The following SPON1 variants were observed in gnomAD, a reference collection of about 807,000 sequenced individuals.
SPON1 encodes the protein spondin 1, also known as spondin-1.
A neutral mutation model predicts 111.7 loss-of-function variants in SPON1; 52 were observed. The observed-to-expected ratio is 0.47, with a 90% CI of 0.37 to 0.59. SPON1 has a LOEUF of 0.59. Ranked by LOEUF, SPON1 falls within the 20% of genes least tolerant of loss-of-function variation. SPON1 has a pLI of 0.00. For missense variants in SPON1, 957 were observed against 1,068.5 expected (o/e 0.90, Z 1.46); for synonymous variants, 410 against 395.8 (o/e 1.04, Z -0.43).
chr11:14,132,994 A>G (rs1847545014), intron 5 of SPON1, among the ~76,000 whole-genome samples: 2 of 152,236 alleles, frequency 1.3e-5, no homozygotes, highest in African/African-American at 2.4e-5. Flanking sequence ...AAATAAAGTA[A>G]TTGAATTTAA....
At position 14,259,459 on chromosome 11, in the gene SPON1, G is replaced by C. The variant is rs782429548; in HGVS notation, c.1663+9G>C. On this transcript the variant is annotated intron_variant, in intron 12 of 15. Transcript: ENST00000576479. The surrounding 1 kb of genome is among the most constrained non-coding windows in gnomAD (Gnocchi z 5.0). ...GGTCAACGAGGAGTGCTGTGAGTGG[G>C]GGCCCCGGGCGGGCAGGCGGGCAAG... 6 of 1,603,236 alleles carry C rather than the reference G, an allele frequency of 3.7e-6. No individual in the cohort carries two copies. The highest frequency in any genetic ancestry group is 3.4e-5 in the South Asian group (3 of 89,094).
intron 1 of SPON1, among the ~76,000 whole-genome samples, chr11:13,970,529 GCA>G (rs1463260313): frequency 6.6e-6 from 1 of 152,126 alleles, no homozygotes; most frequent in Non-Finnish European, 1.5e-5. Context: ...GGGCAGGTGG[GCA>G]CAGTCACAGC....
intron 6 of SPON1, among the ~76,000 whole-genome samples, chr11:14,216,145 A>G (rs1848623995): frequency 1.3e-5 from 2 of 152,232 alleles, no homozygotes; most frequent in Non-Finnish European, 2.9e-5. Flanking sequence ...TCTCCTCTTA[A>G]TATCTTTGGA....
intron 2 of SPON1, among the ~76,000 whole-genome samples, chr11:13,989,507 A>G (rs1443670211): frequency 6.6e-6 from 1 of 152,050 alleles, no homozygotes; most frequent in Non-Finnish European, 1.5e-5. Flanking sequence ...TCCTGGATTC[A>G]TTGATTTTTT....
At chr11:14,210,528 A>G (rs1232899793) in intron 6 of SPON1, among the ~76,000 whole-genome samples, 1 of 152,076 alleles carries the variant, frequency 6.6e-6, no homozygotes, top group Non-Finnish European at 1.5e-5. Flanking sequence ...CCTCCCGAGT[A>G]GCTGGGACTT....
At position 14,262,793 on chromosome 11, in the gene SPON1, G is replaced by A. The variant is rs1554942040; in HGVS notation, c.2078G>A (p.Arg693Gln). 9 of 1,613,880 alleles carry A rather than the reference G, an allele frequency of 5.6e-6. No individual in the cohort carries two copies. The highest frequency in any genetic ancestry group is 4.4e-5 in the South Asian group (4 of 91,066). The change falls in exon 15 of 16, where the codon CGG becomes CAG. Residue 693 changes from arginine to glutamine, a missense_variant. Coordinates refer to ENST00000576479, the MANE Select transcript of SPON1 (RefSeq NM_006108.4). ...GGGAAAGGCCACGTGATTCGAACCC[G>A]GATGATCCAAATGGAGCCTCAGTTT... ...SCGKGHVIRTRMIQMEPQFGG... is the reference protein window; with the variant it reads ...SCGKGHVIRTQMIQMEPQFGG...
rs113334560 is a variant in SPON1 at position 14,220,029 on chromosome 11, G to T, written c.826-23303G>T. 5.2e-3 allele frequency among the ~76,000 whole-genome samples: 782 copies of T among 151,500 alleles called. 6 individuals carry two copies. The highest frequency in any genetic ancestry group is 0.018 in the African/African-American group (739 of 41,218). Reference sequence around the variant, plus strand: ...TTGAGCCCAAGAGGTGGAGGTTGCGGTGAGCCGAGATTGTACCACTGCACT... The same window carrying T: ...TTGAGCCCAAGAGGTGGAGGTTGCGTTGAGCCGAGATTGTACCACTGCACT... On this transcript the variant is annotated intron_variant, in intron 6 of 15. Transcript: ENST00000576479.
intron 6 of SPON1, among the ~76,000 whole-genome samples, chr11:14,241,155 G>A (rs1437478095): frequency 1.3e-5 from 2 of 152,120 alleles, no homozygotes; most frequent in African/African-American, 2.4e-5. Flanking sequence ...TTCTGGAAAC[G>A]GAGAAGGAGA....
Position 13,963,160 on chromosome 11 carries a change from G to A in SPON1, c.238+18G>A, listed in dbSNP as rs782600011. 4.1e-6 allele frequency: 6 copies of A among 1,479,238 alleles called. No individual in the cohort carries two copies. The highest frequency in any genetic ancestry group is 1.3e-5 in the South Asian group (1 of 74,430). The allele number at this position is 1,479,238 out of a possible 1,614,324, so 91.6% of individuals were successfully genotyped here. ...CTACCGCGGTAAGTGGCCGCCCGGC[G>A]TGGCATTAGGAGAGCGGGACCCGGT... On this transcript the variant is annotated intron_variant, in intron 1 of 15. Coordinates refer to ENST00000576479, the MANE Select transcript of SPON1 (RefSeq NM_006108.4).
chr11:14,184,074 C>T (rs1337108474), intron 6 of SPON1, among the ~76,000 whole-genome samples: 1 of 152,138 alleles, frequency 6.6e-6, no homozygotes, highest in Non-Finnish European at 1.5e-5. Context: ...AGCCCACGGC[C>T]CAGAACTCAA....
At chr11:14,011,528 A>G (rs1198910623) in intron 2 of SPON1, among the ~76,000 whole-genome samples, 4 of 152,040 alleles carry the variant, frequency 2.6e-5, no homozygotes, top group African/African-American at 9.7e-5. Flanking sequence ...TTCCTACTGC[A>G]GCCTCCCAAT....
intron 13 of SPON1, 101 bp from the exon 14 acceptor site, chr11:14,260,487 G>A: frequency 1.5e-6 from 2 of 1,320,276 alleles, no homozygotes; most frequent in African/African-American, 1.5e-5. Flanking sequence ...TTTATTCCAG[G>A]GGCCAAAGCA....
intron 2 of SPON1, among the ~76,000 whole-genome samples, chr11:14,031,804 C>A (rs1848561185): frequency 6.6e-6 from 1 of 152,142 alleles, no homozygotes; most frequent in South Asian, 2.1e-4. Flanking sequence ...GTCTTTCCTT[C>A]CATGGCTTTC....
chr11:14,264,246 C>T (rs1035338111), intron 15 of SPON1, among the ~76,000 whole-genome samples: 4 of 152,006 alleles, frequency 2.6e-5, no homozygotes, highest in Non-Finnish European at 5.9e-5. Context: ...GATTTTGGGA[C>T]CTGATTCTGT....
intron 2 of SPON1, among the ~76,000 whole-genome samples, chr11:14,032,636 G>T (rs943537681): frequency 2.0e-5 from 3 of 152,182 alleles, no homozygotes; most frequent in Admixed American, 6.5e-5. Context: ...GACCCAGAGA[G>T]GTCAAGTAGC....
intron 6 of SPON1, among the ~76,000 whole-genome samples, chr11:14,184,976 A>C (rs1387384872): frequency 2.6e-5 from 4 of 152,160 alleles, no homozygotes; most frequent in Non-Finnish European, 4.4e-5. Context: ...CACCATGAAG[A>C]ACCCAAACTT....
chr11:14,264,046 AAAAG>A (rs1374010304), intron 15 of SPON1, among the ~76,000 whole-genome samples: 3 of 151,854 alleles, frequency 2.0e-5, no homozygotes, highest in African/African-American at 4.8e-5. Flanking sequence ...AAAAAAAAAA[AAAAG>A]AAAAGTACAT....
intron 2 of SPON1, among the ~76,000 whole-genome samples, chr11:14,003,593 G>A (rs567847515): frequency 2.0e-5 from 3 of 152,150 alleles, no homozygotes; most frequent in Non-Finnish European, 4.4e-5. Context: ...AAGGCACTCT[G>A]TGATTTTCTA....
intron 2 of SPON1, among the ~76,000 whole-genome samples, chr11:14,038,022 T>G (rs559174236): frequency 1.4e-5 from 2 of 142,496 alleles, no homozygotes; most frequent in African/African-American, 5.3e-5. Context: ...AAAAATTAGC[T>G]GGGTGTAGTG....
Sources: allele counts gnomAD v4.1 joint callset (sites outside exome capture counted in the v4.1 genomes callset), GRCh38; gene constraint gnomAD v4.1.1; non-coding constraint Gnocchi (gnomAD v3.1); transcripts MANE v1.5; gene names NCBI Gene and HGNC (gene_info 2026-07-23, HGNC 2026-07-21).